The following JCHAIN variants were observed in gnomAD, a reference collection of about 807,000 sequenced individuals.
The protein encoded by JCHAIN is joining chain of multimeric IgA and IgM, also known as immunoglobulin J chain.
JCHAIN carries 5 observed loss-of-function variants against 11.1 expected under a neutral mutation model. The ratio of observed to expected loss-of-function variants is 0.45; its 90% CI spans 0.24 to 0.95. The LOEUF is 0.95. Among genes scored for constraint, JCHAIN ranks in the 40% least tolerant of loss-of-function variants. The pLI, the probability that JCHAIN is intolerant of heterozygous loss-of-function variation, is 0.21. For missense variants in JCHAIN, 165 were observed against 192.7 expected, an observed-to-expected ratio of 0.86 and a Z score of 0.85; for synonymous variants, 51 against 67.8, an observed-to-expected ratio of 0.75 and a Z score of 1.22.
rs963414124 is a variant in JCHAIN, at chr4:70,656,323, C to T, written c.*6G>A. The T allele has an allele frequency of 1.9e-6, 3 of 1,606,282 alleles. No homozygotes were observed. The highest frequency in any genetic ancestry group is 1.7e-5 in the Admixed American group (1 of 59,968). On this transcript the variant is annotated 3_prime_UTR_variant, in exon 4 of 4. Transcript: ENST00000254801. ...AAAAGAGCTATGCAGTCAGCAATGA[C>T]TTAAATTAGTCAGGATAGCAGGCAT...
chr4:70,662,025 C>T (rs1739065641), intron 2 of JCHAIN, 67 bp downstream of exon 2: 15 of 1,494,772 alleles, frequency 1.0e-5, no homozygotes, highest in Non-Finnish European at 1.3e-5. Flanking sequence ...TACATTCAAA[C>T]AATGCTCAGT....
chr4:70,664,753 C>T (rs1341502398), intron 1 of JCHAIN, among the ~76,000 whole-genome samples: 1 of 152,072 alleles, frequency 6.6e-6, no homozygotes, highest in Non-Finnish European at 1.5e-5. Flanking sequence ...CACATAATGC[C>T]TGACCAAAAA....
intron 2 of JCHAIN, 113 bp from the exon 3 acceptor site, chr4:70,657,404 CT>C (rs1738969383): frequency 3.5e-6 from 2 of 576,420 alleles, no homozygotes; most frequent in Middle Eastern, 8.1e-4. Context: ...GTATTTAGTA[CT>C]CTATAAGCAC....
At position 70,656,111 on chromosome 4, in the gene JCHAIN, A is replaced by T; in HGVS notation, c.*218T>A. 1 of 507,538 alleles carries T rather than the reference A, an allele frequency of 2.0e-6. No individual in the cohort carries two copies. The highest frequency in any genetic ancestry group is 3.5e-6 in the Non-Finnish European group (1 of 287,286). 31.4% of individuals were successfully genotyped at this position (507,538 alleles called of 1,614,324 possible). A position where few individuals can be genotyped will look rare whatever the true frequency, so the allele number is the denominator to read the frequency against. On this transcript the variant is annotated 3_prime_UTR_variant, in exon 4 of 4. Coordinates refer to ENST00000254801, the MANE Select transcript of JCHAIN (RefSeq NM_144646.4). ...TGAGCATGATAATTGGAAGATTTTG[A>T]TACTTAGAGTATGAACATATAATTA...
chr4:70,656,908 A>G (rs1052168253), intron 3 of JCHAIN, among the ~76,000 whole-genome samples: 1 of 152,190 alleles, frequency 6.6e-6, no homozygotes, highest in African/African-American at 2.4e-5. Context: ...ATTTCCAAAG[A>G]AACACCTGCC....
In JCHAIN at chr4:70,658,591, T is replaced by G. The variant is rs16845336; in HGVS notation, c.189-1300A>C. Among the ~76,000 whole-genome samples, 1,363 of 152,282 alleles carry G rather than the reference T, an allele frequency of 9.0e-3. 16 individuals are homozygous for G. Among genetic ancestry groups the G allele is most frequent in the African/African-American group, 0.03 (1,259 of 41,546 alleles). On this transcript the variant is annotated intron_variant, in intron 2 of 3. Coordinates refer to ENST00000254801, the MANE Select transcript of JCHAIN (RefSeq NM_144646.4). ...TGTGCCTGGTACTATGCTAAGCATA[T>G]TACGTGATGATCTCATATAATCGTC...
chr4:70,662,116 A>T lies in JCHAIN; in HGVS notation c.164T>A (p.Ile55Asn), dbSNP rs199752258. The T allele has an allele frequency of 6.2e-7, 1 of 1,613,856 alleles. No individual in the cohort carries two copies. Among genetic ancestry groups the T allele is most frequent in the Non-Finnish European group, 8.5e-7 (1 of 1,179,726 alleles). ...CATAATTCGGATGTTTCTCTCCACAATGTCCTCATTAGGATCTTCGGAAGA... is the reference window on the plus strand; with the variant it reads ...CATAATTCGGATGTTTCTCTCCACATTGTCCTCATTAGGATCTTCGGAAGA... Reference protein sequence around the residue: ...IRSSEDPNEDIVERNIRIIVP... With the variant: ...IRSSEDPNEDNVERNIRIIVP... Residue 55 changes from isoleucine to asparagine, a missense_variant, in exon 2 of 4, where the codon ATT (isoleucine) becomes AAT (asparagine). Physicochemically the swap from Ile to Asn is moderately radical, Grantham distance 149. Transcript: ENST00000254801.
At chr4:70,659,126 C>A (rs1739007407) in intron 2 of JCHAIN, among the ~76,000 whole-genome samples, 1 of 152,154 alleles carries the variant, frequency 6.6e-6, no homozygotes, top group South Asian at 2.1e-4. Context: ...ATCCTCACAA[C>A]CCTATAAAGT....
intron 2 of JCHAIN, among the ~76,000 whole-genome samples, chr4:70,660,178 C>T (rs984784762): frequency 2.6e-5 from 4 of 152,048 alleles, no homozygotes; most frequent in Non-Finnish European, 5.9e-5. Context: ...GCTATTCTAT[C>T]CCTAACACGA....
Position 70,656,484 on chromosome 4 carries a change from T to G in JCHAIN, c.325A>C (p.Thr109Pro), listed in dbSNP as rs756823556. Residue 109 changes from threonine to proline, a missense_variant, in exon 4 of 4, where the codon ACC becomes CCC. Physicochemically the swap from Thr to Pro is conservative, Grantham distance 38 (BLOSUM62 -1). Coordinates refer to ENST00000254801, the MANE Select transcript of JCHAIN (RefSeq NM_144646.4). ...TCTTCATCACAGATATTGCTCTGGG[T>G]AGCAGTAACTATCTGATTATCCAGC... ...VELDNQIVTA[T>P]QSNICDEDSA... The G allele has an allele frequency of 6.2e-7, 1 of 1,613,882 alleles. No individual in the cohort carries two copies. The highest frequency in any genetic ancestry group is 8.5e-7 in the Non-Finnish European group (1 of 1,179,844).
At chr4:70,662,042 A>C in intron 2 of JCHAIN, 50 bp downstream of exon 2, 1 of 1,586,476 alleles carries the variant, frequency 6.3e-7, no homozygotes, top group South Asian at 1.1e-5. Context: ...CAGTGTCAGA[A>C]AGTATCTCTG....
At position 70,656,123 on chromosome 4, in the gene JCHAIN, T is replaced by C; in HGVS notation, c.*206A>G. The C allele has an allele frequency of 9.1e-6, 5 of 552,232 alleles. No homozygotes were observed. The highest frequency in any genetic ancestry group is 1.6e-5 in the Non-Finnish European group (5 of 311,624). The allele number at this position is 552,232 out of a possible 1,614,324, so 34.2% of individuals were successfully genotyped here. A position where few individuals can be genotyped will look rare whatever the true frequency, so the allele number is the denominator to read the frequency against. On this transcript the variant is annotated 3_prime_UTR_variant, in exon 4 of 4. Coordinates refer to ENST00000254801, the MANE Select transcript of JCHAIN (RefSeq NM_144646.4). ...TTGGAAGATTTTGATACTTAGAGTA[T>C]GAACATATAATTAAGAAGTGATTAC...
At position 70,666,493 on chromosome 4, in the gene JCHAIN, T is replaced by C. The variant is rs369615126; in HGVS notation, c.-3A>G. On this transcript the variant is annotated 5_prime_UTR_variant, in exon 1 of 4. Transcript: ENST00000254801. Reference sequence around the variant, plus strand: ...CAGAAAAGCAAATGGTTCTTCATCTTGACTTCACTTCTTCTGAAAAACTGG... The same window carrying C: ...CAGAAAAGCAAATGGTTCTTCATCTCGACTTCACTTCTTCTGAAAAACTGG... 3 of 1,611,098 alleles carry C rather than the reference T, an allele frequency of 1.9e-6. No individual in the cohort carries two copies. The African/African-American group carries it at 4.0e-5, about 22-fold the overall frequency.
chr4:70,661,104 T>C (rs1314463890), intron 2 of JCHAIN, among the ~76,000 whole-genome samples: 3 of 152,234 alleles, frequency 2.0e-5, no homozygotes, highest in South Asian at 2.1e-4. Flanking sequence ...CTTTTTCCAT[T>C]GATTGAATGG....
chr4:70,661,616 C>G, intron 2 of JCHAIN, among the ~76,000 whole-genome samples: 1 of 152,006 alleles, frequency 6.6e-6, no homozygotes. Context: ...ATAGTGAGAC[C>G]CTGTCTCTAA....
chr4:70,662,299 T>C, intron 1 of JCHAIN, 84 bp from the exon 2 acceptor site: 1 of 1,239,270 alleles, frequency 8.1e-7, no homozygotes, highest in Non-Finnish European at 1.1e-6. Flanking sequence ...CTTTCTTGCC[T>C]GCAGAAAAAT....
In JCHAIN at chr4:70,655,781, A is replaced by G. The variant is rs1266659880; in HGVS notation, c.*548T>C. 2 of 152,092 alleles carry G rather than the reference A, an allele frequency of 1.3e-5. No individual in the cohort carries two copies. Among genetic ancestry groups the G allele is most frequent in the African/African-American group, 4.8e-5 (2 of 41,446 alleles). 9.4% of individuals were successfully genotyped at this position (152,092 alleles called of 1,614,324 possible). A position where few individuals can be genotyped will look rare whatever the true frequency, so the allele number is the denominator to read the frequency against. On this transcript the variant is annotated 3_prime_UTR_variant, in exon 4 of 4. Transcript: ENST00000254801. ...AATATTAGAGATTTCACCTTAAATT[A>G]TTTTTGTAACTAGTTCTAGAACATG...
At chr4:70,662,535 T>C (rs934829258) in intron 1 of JCHAIN, among the ~76,000 whole-genome samples, 1 of 152,248 alleles carries the variant, frequency 6.6e-6, no homozygotes, top group African/African-American at 2.4e-5. Flanking sequence ...AGAACAGGCA[T>C]GTTTTCATCC....
rs1738942326 is a variant in JCHAIN, at chr4:70,655,959, G to GC, written c.*369dup. On this transcript the variant is annotated 3_prime_UTR_variant, in exon 4 of 4. Coordinates refer to ENST00000254801, the MANE Select transcript of JCHAIN (RefSeq NM_144646.4). The stretch of plus-strand genomic sequence containing the variant: ...GGCAAAGTCAAAAAAAAAAAAAAAA[G>GC]CGGGGGGGAATGCGAGGAACATTTT... The GC allele has an allele frequency of 6.7e-6, 1 of 148,546 alleles. No homozygotes were observed. Among genetic ancestry groups the GC allele is most frequent in the African/African-American group, 2.6e-5 (1 of 38,982 alleles). 9.2% of individuals were successfully genotyped at this position (148,546 alleles called of 1,614,324 possible). A position where few individuals can be genotyped will look rare whatever the true frequency, so the allele number is the denominator to read the frequency against.
Sources: allele counts gnomAD v4.1 joint callset (sites outside exome capture counted in the v4.1 genomes callset), GRCh38; gene constraint gnomAD v4.1.1; transcripts MANE v1.5; gene names NCBI Gene and HGNC (gene_info 2026-07-23, HGNC 2026-07-21).